MRPL39: variants seen among roughly 807,000 people sequenced by gnomAD.
MRPL39 encodes the protein mitochondrial ribosomal protein L39.
A neutral mutation model predicts 44.5 loss-of-function variants in MRPL39; 35 were observed. The ratio of observed to expected loss-of-function variants is 0.79; its 90% CI spans 0.60 to 1.04. MRPL39 has a LOEUF of 1.04. Among genes scored for constraint, MRPL39 ranks in the 50% least tolerant of loss-of-function variants. The pLI, the probability that MRPL39 is intolerant of heterozygous loss-of-function variation, is 0.00. For synonymous variants in MRPL39, 139 were observed against 136.1 expected (o/e 1.02, Z -0.15); for missense variants, 433 against 413.5 (o/e 1.05, Z -0.41).
At chr21:25,594,118 A>C (rs1044132997) in intron 6 of MRPL39, among the ~76,000 whole-genome samples, 160 bp from the exon 7 acceptor site, 6 of 152,140 alleles carry the variant, frequency 3.9e-5, no homozygotes, top group African/African-American at 1.4e-4. Context: ...ACTCTGCCAA[A>C]CTGTTCTCAA....
In MRPL39 at chr21:25,589,985, G is replaced by C. The variant is rs903633789; in HGVS notation, c.922-1103C>G. On this transcript the variant is annotated intron_variant, in intron 8 of 9. Transcript: ENST00000352957. Reference sequence around the variant, plus strand: ...GGGTAAAGAGTTGGGATTTGTTCAAGGGAAGCCATTGGAAAGTTTGGGGCA... The same window carrying C: ...GGGTAAAGAGTTGGGATTTGTTCAACGGAAGCCATTGGAAAGTTTGGGGCA... Among the ~76,000 whole-genome samples, 4 of 152,294 alleles carry C rather than the reference G, an allele frequency of 2.6e-5. No individual in the cohort carries two copies. In the East Asian group the frequency reaches 7.7e-4, roughly 29 times the overall value.
At chr21:25,597,280 T>C (rs1285122229) in intron 6 of MRPL39, 22 bp downstream of exon 6, 2 of 1,467,182 alleles carry the variant, frequency 1.4e-6, no homozygotes, top group East Asian at 2.3e-5. Flanking sequence ...TTAGCCTTGA[T>C]TTAAAGAAAG....
In MRPL39 at chr21:25,606,503, C is replaced by G. The variant is rs767642958; in HGVS notation, c.226G>C (p.Gly76Arg). The change falls in exon 2 of 10, where the codon GGT becomes CGT. Residue 76 changes from glycine to arginine, a missense_variant. Physicochemically the swap from Gly to Arg is moderately radical, Grantham distance 125 (BLOSUM62 -2). Coordinates refer to ENST00000352957, the MANE Select transcript of MRPL39 (RefSeq NM_017446.4). ...TTTTTATTCATCACGAAGACAGTAC[C>G]GGGGTCAGTTTTCCCAACATGCTTA... ...EVKHVGKTDPGTVFVMNKNIS... is the reference protein window; with the variant it reads ...EVKHVGKTDPRTVFVMNKNIS... The G allele has an allele frequency of 6.2e-7, 1 of 1,613,900 alleles. No homozygotes were observed. Among genetic ancestry groups the G allele is most frequent in the Non-Finnish European group, 8.5e-7 (1 of 1,179,934 alleles).
chr21:25,606,790 C>T, intron 1 of MRPL39, 135 bp from the exon 2 acceptor site: 3 of 652,120 alleles, frequency 4.6e-6, no homozygotes, highest in Non-Finnish European at 7.8e-6. Flanking sequence ...GGCCCAGATA[C>T]GTGCCTCTAC....
At chr21:25,606,726 G>A in intron 1 of MRPL39, 71 bp from the exon 2 acceptor site, 2 of 1,265,750 alleles carry the variant, frequency 1.6e-6, no homozygotes, top group Admixed American at 4.1e-5. Context: ...GCGCTCAGAG[G>A]TAAAATTAAA....
intron 9 of MRPL39, chr21:25,587,636 A>T: frequency 1.7e-6 from 2 of 1,204,522 alleles, no homozygotes; most frequent in South Asian, 2.6e-5. Context: ...AACAATCAAA[A>T]AATAGTATGT....
Position 25,595,228 on chromosome 21 carries a change from C to A in MRPL39, c.702-1270G>T, listed in dbSNP as rs28716498. 8.9e-4 allele frequency among the ~76,000 whole-genome samples: 135 copies of A among 152,310 alleles called. 1 individual carries two copies. The highest frequency in any genetic ancestry group is 3.1e-3 in the African/African-American group (130 of 41,564). On this transcript the variant is annotated intron_variant, in intron 6 of 9. Transcript: ENST00000352957. ...GAACACTGGTTTATGCAAAAACACCCACTGACTGCTACAGTCCCCCAGGCA... is the reference window on the plus strand; with the variant it reads ...GAACACTGGTTTATGCAAAAACACCAACTGACTGCTACAGTCCCCCAGGCA...
In MRPL39 at chr21:25,601,420, CCTCT is replaced by C. The variant is rs1306922501; in HGVS notation, c.464_467del (p.Glu155GlyfsTer19). ...TGACCATATATTCATCTTTGAATGCCCTCTCTATCACACAGCCCATCATCATAGC... is the reference window on the plus strand; with the variant it reads ...TGACCATATATTCATCTTTGAATGCCCTATCACACAGCCCATCATCATAGC... On this transcript the variant is annotated frameshift_variant, in exon 4 of 10. Transcript: ENST00000352957. LOFTEE classifies it high-confidence loss of function. 3.7e-6 allele frequency: 6 copies of C among 1,610,078 alleles called. No homozygotes were observed. The highest frequency in any genetic ancestry group is 1.7e-4 in the Middle Eastern group (1 of 6,060).
intron 5 of MRPL39, among the ~76,000 whole-genome samples, chr21:25,598,454 G>GAGAC (rs1388067464): frequency 6.9e-6 from 1 of 144,102 alleles, no homozygotes; most frequent in Non-Finnish European, 1.5e-5. Flanking sequence ...AAAAAAAAAA[G>GAGAC]AGAGAGAAAG....
intron 5 of MRPL39, among the ~76,000 whole-genome samples, chr21:25,598,146 GAAT>G (rs1166476971): frequency 2.6e-5 from 4 of 151,900 alleles, no homozygotes; most frequent in Non-Finnish European, 5.9e-5. Context: ...TCTCTATAAA[GAAT>G]AATTTACTGT....
chr21:25,601,939 T>C (rs2829832), intron 3 of MRPL39, among the ~76,000 whole-genome samples: 91,200 of 152,046 alleles, frequency 0.6, 29,778 homozygotes, highest in Non-Finnish European at 0.75. Flanking sequence ...CTCATATTTA[T>C]AGCAGAGCAG....
At position 25,588,899 on chromosome 21, in the gene MRPL39, T is replaced by A; in HGVS notation, c.922-17A>T. On this transcript the variant is annotated splice_polypyrimidine_tract_variant and intron_variant, in intron 8 of 9. Coordinates refer to ENST00000352957, the MANE Select transcript of MRPL39 (RefSeq NM_017446.4). ...AAAATGTGCCTTGAAAAGAAAAGAT[T>A]TGCGATGAACTAAATGAAGCAGTAA... The A allele has an allele frequency of 6.2e-7, 1 of 1,608,116 alleles. No individual in the cohort carries two copies. The highest frequency in any genetic ancestry group is 2.2e-5 in the East Asian group (1 of 44,708).
intron 1 of MRPL39, among the ~76,000 whole-genome samples, chr21:25,607,177 TCCGACCCCTGGCC>T (rs978114763): frequency 2.6e-5 from 4 of 152,162 alleles, no homozygotes; most frequent in African/African-American, 7.2e-5. Context: ...GCGGCCTGGC[TCCGACCCCTGGCC>T]CCGACCCCTG....
At chr21:25,602,751 T>C (rs1486713003) in intron 3 of MRPL39, among the ~76,000 whole-genome samples, 1 of 152,204 alleles carries the variant, frequency 6.6e-6, no homozygotes, top group African/African-American at 2.4e-5. Context: ...TTTAATTGAA[T>C]TGTAAAAGAT....
intron 1 of MRPL39, 134 bp downstream of exon 1, chr21:25,607,269 C>T: frequency 1.1e-6 from 1 of 944,162 alleles, no homozygotes; most frequent in Middle Eastern, 2.2e-4. Flanking sequence ...GCAAGAGCGA[C>T]CGCCGCGGAG....
chr21:25,601,131 T>C (rs996384347), intron 4 of MRPL39, among the ~76,000 whole-genome samples: 1 of 152,004 alleles, frequency 6.6e-6, no homozygotes, highest in Non-Finnish European at 1.5e-5. Flanking sequence ...AACGCTGAGA[T>C]AGTGGAATTC....
intron 5 of MRPL39, 103 bp downstream of exon 5, chr21:25,599,696 A>G (rs2031465690): frequency 1.1e-6 from 1 of 910,652 alleles, no homozygotes; most frequent in Non-Finnish European, 1.7e-6. Flanking sequence ...ATTCTTTTAA[A>G]TGTTCTCAAC....
In MRPL39 at chr21:25,588,848, C is replaced by A. The variant is rs1341792027; in HGVS notation, c.956G>T (p.Arg319Ile). The change falls in exon 9 of 10, where the codon AGA (arginine) becomes ATA (isoleucine). Residue 319 changes from arginine to isoleucine, a missense_variant. Arg to Ile is a moderately conservative substitution (Grantham distance 97). Transcript: ENST00000352957. ...HFTIWDKLLE[R>I]SRKMVTEDQS... is the part of the protein sequence containing the mutation. ...AAAAACACTTACCATTTTCCGAGAT[C>A]TTTCCAATAGCTTATCCCATATTGT... The A allele has an allele frequency of 1.9e-6, 3 of 1,612,768 alleles. No individual in the cohort carries two copies. The South Asian group carries it at 3.3e-5, about 18-fold the overall frequency.
At chr21:25,599,973 C>T (rs2031474052) in intron 4 of MRPL39, 107 bp from the exon 5 acceptor site, 3 of 768,388 alleles carry the variant, frequency 3.9e-6, no homozygotes, top group African/African-American at 3.5e-5. Flanking sequence ...AGCACTCTCT[C>T]CCAACTCTAC....
Sources: allele counts gnomAD v4.1 joint callset (sites outside exome capture counted in the v4.1 genomes callset), GRCh38; gene constraint gnomAD v4.1.1; transcripts MANE v1.5; gene names NCBI Gene and HGNC (gene_info 2026-07-23, HGNC 2026-07-21).